Variants in RCAN2 observed in about 807,000 individuals in gnomAD.
The protein encoded by RCAN2 is calcipressin-2.
RCAN2 carries 9 observed loss-of-function variants against 23.6 expected under a neutral mutation model. That is an observed-to-expected ratio of 0.38 (90% confidence interval 0.23 to 0.67). The LOEUF (loss-of-function observed/expected upper bound fraction) is 0.67. Among genes scored for constraint, RCAN2 ranks in the 30% least tolerant of loss-of-function variants. RCAN2 has a pLI of 0.51. For missense variants in RCAN2, 273 were observed against 302.3 expected (o/e 0.90, Z 0.72); for synonymous variants, 109 against 115.7 (o/e 0.94, Z 0.37).
At chr6:46,476,306 G>T (rs1768711385) in intron 1 of RCAN2, among the ~76,000 whole-genome samples, 1 of 152,168 alleles carries the variant, frequency 6.6e-6, no homozygotes, top group South Asian at 2.1e-4. Context: ...AAATTGGCAT[G>T]CATGAAGTGA....
At chr6:46,343,132 A>G (rs1346420663) in intron 2 of RCAN2, among the ~76,000 whole-genome samples, 1 of 152,172 alleles carries the variant, frequency 6.6e-6, no homozygotes, top group Non-Finnish European at 1.5e-5. Flanking sequence ...AACAGAAAAT[A>G]TCAAGCAGGA....
At chr6:46,308,909 T>C (rs1451477690) in intron 2 of RCAN2, among the ~76,000 whole-genome samples, 1 of 152,090 alleles carries the variant, frequency 6.6e-6, no homozygotes, top group Non-Finnish European at 1.5e-5. Flanking sequence ...GCTTAAATAC[T>C]GGAGAGGAGA....
At chr6:46,240,678 A>T (rs1052145436) in intron 4 of RCAN2, among the ~76,000 whole-genome samples, 1 of 152,212 alleles carries the variant, frequency 6.6e-6, no homozygotes, top group African/African-American at 2.4e-5. Context: ...CACATGCACC[A>T]AAAACATAGG....
chr6:46,269,636 G>C (rs530679770), intron 2 of RCAN2, among the ~76,000 whole-genome samples: 1 of 152,330 alleles, frequency 6.6e-6, no homozygotes, highest in South Asian at 2.1e-4. Context: ...GGCTGGAGGA[G>C]TGCCAGCTGC....
At chr6:46,353,410 G>A (rs1335043865) in intron 2 of RCAN2, among the ~76,000 whole-genome samples, 2 of 152,130 alleles carry the variant, frequency 1.3e-5, no homozygotes, top group Non-Finnish European at 1.5e-5. Flanking sequence ...CAGTGCAGGT[G>A]CAGGTGGGAG....
intron 2 of RCAN2, among the ~76,000 whole-genome samples, chr6:46,291,559 A>C (rs1264575376): frequency 6.6e-6 from 1 of 152,090 alleles, no homozygotes; most frequent in Non-Finnish European, 1.5e-5. Flanking sequence ...TGCTTTAGGA[A>C]GGAAAGCAAA....
At chr6:46,434,891 C>A (rs558286630) in intron 2 of RCAN2, among the ~76,000 whole-genome samples, 3 of 152,134 alleles carry the variant, frequency 2.0e-5, no homozygotes, top group Non-Finnish European at 4.4e-5. Context: ...ACAGGGCAGC[C>A]CGCACACAAA....
At chr6:46,441,807 G>A (rs1358600164) in intron 2 of RCAN2, among the ~76,000 whole-genome samples, 1 of 152,090 alleles carries the variant, frequency 6.6e-6, no homozygotes, top group Non-Finnish European at 1.5e-5. Flanking sequence ...GCTAAAAGGG[G>A]CAGGGGCATA....
intron 2 of RCAN2, among the ~76,000 whole-genome samples, chr6:46,454,638 A>T (rs1001108746): frequency 6.6e-6 from 1 of 152,226 alleles, no homozygotes; most frequent in African/African-American, 2.4e-5. Context: ...ATGGCTGTAA[A>T]ATGGTGATCT....
intron 2 of RCAN2, among the ~76,000 whole-genome samples, chr6:46,265,028 A>G (rs985864201): frequency 2.6e-5 from 4 of 152,100 alleles, no homozygotes; most frequent in South Asian, 4.1e-4. Flanking sequence ...CTGGGTCGAT[A>G]TGGCTTCACC....
intron 2 of RCAN2, among the ~76,000 whole-genome samples, chr6:46,344,674 TCTAGA>T (rs1401434557): frequency 6.6e-6 from 1 of 151,978 alleles, no homozygotes; most frequent in African/African-American, 2.4e-5. Context: ...TACTGTAGTC[TCTAGA>T]CTAGAGCAAC....
chr6:46,278,899 C>T (rs1395225566), intron 2 of RCAN2, among the ~76,000 whole-genome samples: 1 of 152,208 alleles, frequency 6.6e-6, no homozygotes, highest in African/African-American at 2.4e-5. Flanking sequence ...CCAAATTCTA[C>T]TCCTTAACTG....
intron 2 of RCAN2, among the ~76,000 whole-genome samples, chr6:46,418,716 T>C (rs944638628): frequency 2.1e-5 from 3 of 142,084 alleles, no homozygotes; most frequent in Non-Finnish European, 4.5e-5. Context: ...TATATATATA[T>C]ATATATATAT....
intron 2 of RCAN2, among the ~76,000 whole-genome samples, chr6:46,412,177 T>G (rs995065861): frequency 6.6e-5 from 10 of 152,154 alleles, no homozygotes; most frequent in African/African-American, 2.4e-4. Flanking sequence ...GATTATATAT[T>G]AAGAAGAGGG....
intron 2 of RCAN2, among the ~76,000 whole-genome samples, chr6:46,287,764 T>A (rs953210127): frequency 2.6e-5 from 4 of 152,238 alleles, no homozygotes; most frequent in Non-Finnish European, 5.9e-5. Context: ...GAGCTTCTTT[T>A]TATAGGTGTT....
intron 2 of RCAN2, among the ~76,000 whole-genome samples, chr6:46,444,193 T>C (rs1212676210): frequency 6.6e-6 from 1 of 152,202 alleles, no homozygotes; most frequent in Non-Finnish European, 1.5e-5. Flanking sequence ...TTAAGCTCCC[T>C]GAGTCAAGAC....
chr6:46,484,753 T>A (rs1450236921), intron 1 of RCAN2, among the ~76,000 whole-genome samples: 1 of 152,174 alleles, frequency 6.6e-6, no homozygotes, highest in Non-Finnish European at 1.5e-5. Flanking sequence ...AGAAATCAAC[T>A]TTCCTACAAA....
chr6:46,270,299 C>A (rs1767481732), intron 2 of RCAN2, among the ~76,000 whole-genome samples: 1 of 152,132 alleles, frequency 6.6e-6, no homozygotes, highest in Admixed American at 6.5e-5. Flanking sequence ...AGTGCCGGGA[C>A]CTTGCTGAGG....
At chr6:46,489,268 C>T (rs1357225642) in intron 1 of RCAN2, among the ~76,000 whole-genome samples, 1 of 152,184 alleles carries the variant, frequency 6.6e-6, no homozygotes, top group African/African-American at 2.4e-5. Context: ...TCTGTTGGCT[C>T]CCATTAAACT....
Sources: gnomAD v4.1 joint callset for allele counts (sites outside exome capture counted in the v4.1 genomes callset) on GRCh38, gnomAD v4.1.1 for gene constraint, MANE v1.5 for transcripts, NCBI Gene and HGNC (gene_info 2026-07-23, HGNC 2026-07-21) for gene names.